The following DNAH2 variants were observed in gnomAD, a reference collection of about 807,000 sequenced individuals.
DNAH2 encodes axonemal beta dynein heavy chain 2.
DNAH2 carries 323 observed loss-of-function variants against 523.5 expected under a neutral mutation model. The observed-to-expected ratio is 0.62, with a 90% CI of 0.56 to 0.68. The LOEUF (loss-of-function observed/expected upper bound fraction) is 0.68. DNAH2 is among the 30% of genes least tolerant of loss of function. DNAH2 has a pLI of 0.00. For synonymous variants in DNAH2, 2,093 were observed against 2,177.4 expected, an observed-to-expected ratio of 0.96 and a Z score of 1.08; for missense variants, 4,907 against 5,701.5, an observed-to-expected ratio of 0.86 and a Z score of 4.49.
chr17:7,776,286 T>C (rs1351571833), intron 31 of DNAH2, 137 bp downstream of exon 31: 3 of 1,002,386 alleles, frequency 3.0e-6, no homozygotes, highest in Non-Finnish European at 2.8e-6. Context: ...GCCAACATGG[T>C]GAAACCCCGT....
At position 7,799,131 on chromosome 17, in the gene DNAH2, G is replaced by C. The variant is rs148788483; in HGVS notation, c.8588G>C (p.Arg2863Pro). 1 of 1,614,164 alleles carries C rather than the reference G, an allele frequency of 6.2e-7. No individual in the cohort carries two copies. Residue 2863 changes from arginine (R) to proline (P), a missense_variant, in exon 56 of 86, where the codon CGG (arginine) becomes CCG (proline). Arg to Pro is a moderately radical substitution (Grantham distance 103). Coordinates refer to ENST00000572933, the MANE Select transcript of DNAH2 (RefSeq NM_020877.5). ...EIQSHIIDQA[R>P]VEQVPESSDS... ...CAGTCGCATATCATAGACCAGGCCC[G>C]GGTGGAGCAGGTGCCTGAGTCATCG...
At position 7,743,024 on chromosome 17, in the gene DNAH2, C is replaced by T. The variant is rs867386906; in HGVS notation, c.1786C>T (p.Arg596Ter). 11 of 1,522,972 alleles carry T rather than the reference C, an allele frequency of 7.2e-6. No individual in the cohort carries two copies. Among genetic ancestry groups the T allele is most frequent in the South Asian group, 4.0e-5 (3 of 74,694 alleles). 94.3% of individuals were successfully genotyped at this position (1,522,972 alleles called of 1,614,324 possible). ...GGTCCAGGCCATTGATGAGCTGGTT[C>T]GAAAAACCTTCCAAGAGTGGACATC... ...QMVQAIDELV[R>*]KTFQEWTSSL... The change falls in exon 12 of 86, where the codon CGA (arginine) becomes TGA (stop). Residue 596 changes from arginine to a stop codon, truncating the protein, a stop_gained. Transcript: ENST00000572933. LOFTEE classifies it high-confidence loss of function.
At chr17:7,757,435 G>T (rs1597553501) in intron 13 of DNAH2, among the ~76,000 whole-genome samples, 198 bp downstream of exon 13, 1 of 151,984 alleles carries the variant, frequency 6.6e-6, no homozygotes, top group Non-Finnish European at 1.5e-5. Context: ...TCTAGCTGCA[G>T]GGTGGAGAGT....
intron 35 of DNAH2, 126 bp downstream of exon 35, chr17:7,778,595 T>C: frequency 1.2e-6 from 1 of 823,636 alleles, no homozygotes; most frequent in South Asian, 3.0e-5. Flanking sequence ...GTAATTCTTA[T>C]TTATTTATTT....
At chr17:7,741,309 C>CTTTCTTT (rs2075334021) in intron 11 of DNAH2, among the ~76,000 whole-genome samples, 6 of 52,828 alleles carry the variant, frequency 1.1e-4, no homozygotes, top group African/African-American at 1.7e-4. Context: ...TTCCTTCCCT[C>CTTTCTTT]CCTCCCTCCC....
chr17:7,746,811 A>AC (rs1260980011), intron 12 of DNAH2, among the ~76,000 whole-genome samples: 1 of 151,958 alleles, frequency 6.6e-6, no homozygotes, highest in Non-Finnish European at 1.5e-5. Flanking sequence ...ACATGGTGAA[A>AC]CCCCGTCTCT....
At position 7,774,926 on chromosome 17, in the gene DNAH2, C is replaced by A. The variant is rs1346768117; in HGVS notation, c.4669C>A (p.Pro1557Thr). 1 of 1,613,994 alleles carries A rather than the reference C, an allele frequency of 6.2e-7. No individual in the cohort carries two copies. The highest frequency in any genetic ancestry group is 8.5e-7 in the Non-Finnish European group (1 of 1,180,044). The stretch of plus-strand genomic sequence containing the variant: ...GTCCCGAAACCCAGAGGCTGTGCAG[C>A]CACACCTCAAAAAATGCTTTGACAA... The part of the protein sequence containing the change: ...GQSRNPEAVQ[P>T]HLKKCFDNIK... Residue 1557 changes from proline to threonine, a missense_variant, in exon 29 of 86, where the codon CCA (proline) becomes ACA (threonine). This residue lies in a region of DNAH2 where 2,806 missense variants were observed against 3,190.8 expected (regional missense o/e 0.88). Coordinates refer to ENST00000572933, the MANE Select transcript of DNAH2 (RefSeq NM_020877.5).
intron 42 of DNAH2, 117 bp downstream of exon 42, chr17:7,787,150 T>A: frequency 5.3e-6 from 7 of 1,318,360 alleles, no homozygotes; most frequent in Non-Finnish European, 7.2e-6. Flanking sequence ...GGGAGAGAGC[T>A]GAAAGGTGGA....
Position 7,779,144 on chromosome 17 carries a change from C to G in DNAH2, c.5542-99C>G, listed in dbSNP as rs547482660. 268 of 1,427,120 alleles carry G rather than the reference C, an allele frequency of 1.9e-4. 3 individuals are homozygous for G. In the South Asian group the frequency reaches 3.3e-3, roughly 18 times the overall value. 88.4% of individuals were successfully genotyped at this position (1,427,120 alleles called of 1,614,324 possible). A position where few individuals can be genotyped will look rare whatever the true frequency, so the allele number is the denominator to read the frequency against. ...CCCTGCCCCCTAGTCTGGAGGCCGC[C>G]TCGCCTATTGAAACATTTGAAGGAA... On this transcript the variant is annotated intron_variant, in intron 35 of 85. Coordinates refer to ENST00000572933, the MANE Select transcript of DNAH2 (RefSeq NM_020877.5).
At chr17:7,806,214 T>C (rs1597723304) in intron 61 of DNAH2, among the ~76,000 whole-genome samples, 1 of 152,372 alleles carries the variant, frequency 6.6e-6, no homozygotes, top group East Asian at 1.9e-4. Flanking sequence ...GTAGGCTTAA[T>C]GTAAGTGCTC....
chr17:7,729,452 C>T (rs577221464), intron 4 of DNAH2, among the ~76,000 whole-genome samples: 58 of 151,834 alleles, frequency 3.8e-4, no homozygotes, highest in East Asian at 1.2e-3. Flanking sequence ...TGTTTTGAGA[C>T]GGAGTTTTGC....
chr17:7,830,684 T>C lies in DNAH2; in HGVS notation c.12072T>C (p.Tyr4024=), dbSNP rs747421118. 6.2e-7 allele frequency: 1 copy of C among 1,614,186 alleles called. No homozygotes were observed. The highest frequency in any genetic ancestry group is 8.5e-7 in the Non-Finnish European group (1 of 1,180,038). ...TGTCAGAAAACTTGCTGAGCCTCTA[T>C]CTCGATGAGTACGAGGAGACACCTT... ...FEVSENLLSL[Y]LDEYEETPWD... The change falls in exon 79 of 86, where the codon TAT becomes TAC. Residue 4024 remains tyrosine, a synonymous_variant. Coordinates refer to ENST00000572933, the MANE Select transcript of DNAH2 (RefSeq NM_020877.5).
intron 73 of DNAH2, 137 bp from the exon 74 acceptor site, chr17:7,823,305 A>AAG: frequency 1.1e-6 from 1 of 883,922 alleles, no homozygotes; most frequent in East Asian, 2.6e-5. Flanking sequence ...AAAAAAAAAA[A>AAG]AAAAATTCCA....
intron 58 of DNAH2, 36 bp from the exon 59 acceptor site, chr17:7,804,220 C>G: frequency 6.2e-7 from 1 of 1,609,280 alleles, no homozygotes; most frequent in African/African-American, 1.3e-5. Flanking sequence ...TCCGGAAGCC[C>G]CGCCTCTCCA....
chr17:7,804,571 T>G, intron 59 of DNAH2, 105 bp downstream of exon 59: 1 of 1,313,974 alleles, frequency 7.6e-7, no homozygotes. Context: ...AGTGACTGGG[T>G]GCAGTGGCTC....
At chr17:7,748,990 A>G (rs1276484229) in intron 12 of DNAH2, among the ~76,000 whole-genome samples, 1 of 151,876 alleles carries the variant, frequency 6.6e-6, no homozygotes, top group Non-Finnish European at 1.5e-5. Context: ...TTAAACTTGG[A>G]TAATTTGCCT....
intron 12 of DNAH2, among the ~76,000 whole-genome samples, chr17:7,748,013 A>G (rs2075564437): frequency 1.3e-5 from 2 of 152,182 alleles, no homozygotes; most frequent in Admixed American, 6.5e-5. Flanking sequence ...GACTGTCCAA[A>G]TGTTCTGATG....
At chr17:7,763,081 T>C (rs573744835) in intron 18 of DNAH2, among the ~76,000 whole-genome samples, 2 of 151,966 alleles carry the variant, frequency 1.3e-5, no homozygotes, top group South Asian at 4.1e-4. Context: ...GTTCAAGTGA[T>C]TCTTCTGCCT....
intron 77 of DNAH2, among the ~76,000 whole-genome samples, chr17:7,827,208 G>A (rs2078044511): frequency 1.3e-5 from 2 of 151,866 alleles, no homozygotes; most frequent in African/African-American, 4.8e-5. Flanking sequence ...CTTTTATGCT[G>A]TTTTTTGGTG....
Sources: gnomAD v4.1 joint callset for allele counts (sites outside exome capture counted in the v4.1 genomes callset) on GRCh38, gnomAD v4.1.1 for gene constraint, gnomAD v4.1.1 regional missense constraint, MANE v1.5 for transcripts, NCBI Gene and HGNC (gene_info 2026-07-23, HGNC 2026-07-21) for gene names.